The following PTPRD variants were observed in gnomAD, a reference collection of about 807,000 sequenced individuals.
PTPRD encodes the protein protein tyrosine phosphatase receptor type D.
A neutral mutation model predicts 214.5 loss-of-function variants in PTPRD; 34 were observed. That is an observed-to-expected ratio of 0.16 (90% CI 0.12 to 0.21). The LOEUF is 0.21. PTPRD is among the 10% of genes least tolerant of loss of function. The pLI is 1.00. For missense variants in PTPRD, 2,545 were observed against 2,398.7 expected (o/e 1.06, Z -1.27); for synonymous variants, 1,128 against 845.7 (o/e 1.33, Z -5.79).
At chr9:8,762,598 C>T (rs953068142) in intron 11 of PTPRD, among the ~76,000 whole-genome samples, 14 of 152,056 alleles carry the variant, frequency 9.2e-5, no homozygotes, top group Non-Finnish European at 1.5e-4. Context: ...GATGAACGGG[C>T]TCCTTCAATA....
At chr9:10,438,224 T>A (rs1406680977) in intron 2 of PTPRD, among the ~76,000 whole-genome samples, 3 of 151,488 alleles carry the variant, frequency 2.0e-5, no homozygotes, top group Admixed American at 6.6e-5. Context: ...CCTATACAGA[T>A]AGTCTCCAAC....
At chr9:9,686,432 A>G (rs2097168697) in intron 7 of PTPRD, among the ~76,000 whole-genome samples, 1 of 151,332 alleles carries the variant, frequency 6.6e-6, no homozygotes, top group African/African-American at 2.4e-5. Flanking sequence ...AGACAGACCT[A>G]CAGTGATTAT....
chr9:10,606,055 T>G (rs555977693), intron 2 of PTPRD, among the ~76,000 whole-genome samples: 1 of 151,824 alleles, frequency 6.6e-6, no homozygotes, highest in Non-Finnish European at 1.5e-5. Flanking sequence ...TATTGTCCTA[T>G]CCTTGATTTC....
At chr9:9,923,385 G>T (rs1179033058) in intron 5 of PTPRD, among the ~76,000 whole-genome samples, 1 of 150,292 alleles carries the variant, frequency 6.7e-6, no homozygotes, top group Non-Finnish European at 1.5e-5. Context: ...CAATGCAGAA[G>T]GTCCAATGGC....
chr9:10,462,545 G>A (rs2098966365), intron 2 of PTPRD, among the ~76,000 whole-genome samples: 1 of 151,892 alleles, frequency 6.6e-6, no homozygotes. Flanking sequence ...CATAATGTAA[G>A]ATATAACCAG....
At chr9:10,547,146 A>C (rs748080119) in intron 2 of PTPRD, among the ~76,000 whole-genome samples, 4 of 152,110 alleles carry the variant, frequency 2.6e-5, no homozygotes, top group Non-Finnish European at 5.9e-5. Context: ...TATCAACAGA[A>C]GAATTGGGGC....
At chr9:8,804,793 C>A (rs1016666962) in intron 11 of PTPRD, among the ~76,000 whole-genome samples, 7 of 152,142 alleles carry the variant, frequency 4.6e-5, no homozygotes, top group African/African-American at 7.2e-5. Context: ...GCGACATGAT[C>A]CCTAGCCACA....
chr9:9,304,063 G>A (rs191670429), intron 9 of PTPRD, among the ~76,000 whole-genome samples: 3 of 152,144 alleles, frequency 2.0e-5, no homozygotes, highest in Admixed American at 1.3e-4. Flanking sequence ...TTACCTTCAT[G>A]TTCTAAAATT....
At chr9:8,333,784 T>A (rs573261898) in intron 43 of PTPRD, among the ~76,000 whole-genome samples, 40 of 151,296 alleles carry the variant, frequency 2.6e-4, no homozygotes, top group Non-Finnish European at 4.1e-4. Context: ...TAAAGACCCA[T>A]CTCACACGCA....
intron 2 of PTPRD, among the ~76,000 whole-genome samples, chr9:10,526,321 T>C (rs1400576086): frequency 6.6e-6 from 1 of 152,152 alleles, no homozygotes. Flanking sequence ...AAATGGATGA[T>C]TGTGAGTATA....
intron 37 of PTPRD, among the ~76,000 whole-genome samples, chr9:8,378,709 A>G (rs1320038910): frequency 6.6e-6 from 1 of 152,118 alleles, no homozygotes; most frequent in African/African-American, 2.4e-5. Flanking sequence ...CATTAATGCA[A>G]CAAAATGATC....
At chr9:8,998,991 T>G (rs1353754118) in intron 11 of PTPRD, among the ~76,000 whole-genome samples, 3 of 152,026 alleles carry the variant, frequency 2.0e-5, no homozygotes, top group Non-Finnish European at 4.4e-5. Context: ...TACAGTCCCA[T>G]GATAAAGTTT....
chr9:8,779,541 A>G (rs537679338), intron 11 of PTPRD, among the ~76,000 whole-genome samples: 58 of 152,268 alleles, frequency 3.8e-4, no homozygotes, highest in African/African-American at 1.3e-3. Flanking sequence ...ACTGTCATAC[A>G]TATTATTACA....
At chr9:10,288,088 T>A (rs1217353940) in intron 3 of PTPRD, among the ~76,000 whole-genome samples, 2 of 144,770 alleles carry the variant, frequency 1.4e-5, no homozygotes, top group African/African-American at 5.2e-5. Context: ...TCTAAAATAC[T>A]TTAAAAATTT....
At chr9:10,070,473 T>C (rs2097982724) in intron 3 of PTPRD, among the ~76,000 whole-genome samples, 1 of 152,052 alleles carries the variant, frequency 6.6e-6, no homozygotes, top group African/African-American at 2.4e-5. Flanking sequence ...TATGCATTTC[T>C]ATGAAAGATT....
intron 5 of PTPRD, among the ~76,000 whole-genome samples, chr9:9,775,183 A>AT (rs1276517928): frequency 6.6e-6 from 1 of 152,014 alleles, no homozygotes; most frequent in East Asian, 1.9e-4. Flanking sequence ...ATCGAATCCC[A>AT]TTTTCCTGTG....
chr9:8,655,862 C>T (rs1014568191), intron 12 of PTPRD, among the ~76,000 whole-genome samples: 1 of 151,778 alleles, frequency 6.6e-6, no homozygotes, highest in African/African-American at 2.4e-5. Context: ...ATTAAATAGA[C>T]AGTGCTATCC....
At chr9:9,535,140 C>A (rs563736295) in intron 8 of PTPRD, among the ~76,000 whole-genome samples, 1 of 152,088 alleles carries the variant, frequency 6.6e-6, no homozygotes, top group Non-Finnish European at 1.5e-5. Flanking sequence ...CACTCTGCCT[C>A]GTGAACTTCT....
chr9:9,830,589 G>A (rs774166258), intron 5 of PTPRD, among the ~76,000 whole-genome samples: 1 of 151,902 alleles, frequency 6.6e-6, no homozygotes, highest in African/African-American at 2.4e-5. Context: ...AGTCAACAAA[G>A]GGAACAGAGC....
Sources: allele counts gnomAD v4.1 joint callset (sites outside exome capture counted in the v4.1 genomes callset), GRCh38; gene constraint gnomAD v4.1.1; transcripts MANE v1.5; gene names NCBI Gene and HGNC (gene_info 2026-07-23, HGNC 2026-07-21).